KRT79: variants seen among roughly 807,000 people sequenced by gnomAD.
The protein encoded by KRT79 is keratin, type II cytoskeletal 79.
Under a neutral mutation model 49.0 loss-of-function variants are expected in KRT79, and 51 were observed. The observed-to-expected ratio is 1.04, with a 90% CI of 0.83 to 1.31. The LOEUF (loss-of-function observed/expected upper bound fraction) is 1.31. KRT79 is among the 40% of genes most tolerant of loss of function. The probability of loss-of-function intolerance (pLI) is 0.00; values close to 1 mark genes in which losing one functional copy is unlikely to be tolerated. For synonymous variants in KRT79, 312 were observed against 286.6 expected, an observed-to-expected ratio of 1.09 and a Z score of -0.90; for missense variants, 728 against 688.0, an observed-to-expected ratio of 1.06 and a Z score of -0.65.
chr12:52,823,084 C>T lies in KRT79; in HGVS notation c.1299G>A (p.Met433Ile). The T allele has an allele frequency of 6.2e-7, 1 of 1,614,198 alleles. No individual in the cohort carries two copies. The highest frequency in any genetic ancestry group is 1.1e-5 in the South Asian group (1 of 91,084). Residue 433 changes from methionine (M) to isoleucine (I), a missense_variant, in exon 7 of 9, where the codon ATG becomes ATA. By Grantham distance (10) the Met-to-Ile change is conservative. Transcript: ENST00000330553. Reference protein sequence around the residue: ...TRLLRDYQELMNVKLALDVEI... With the variant: ...TRLLRDYQELINVKLALDVEI... ...CCACGTCCAGGGCCAGCTTGACATT[C>T]ATCAGCTCCTGGTAGTCACGCAGCA...
At chr12:52,830,159 A>T in intron 3 of KRT79, 41 bp from the exon 4 acceptor site, 1 of 1,611,864 alleles carries the variant, frequency 6.2e-7, no homozygotes, top group South Asian at 1.1e-5. Flanking sequence ...GGCCCCAGGG[A>T]TGTCCCCTCT....
At chr12:52,828,654 G>A (rs1381693695) in intron 4 of KRT79, among the ~76,000 whole-genome samples, 3 of 152,224 alleles carry the variant, frequency 2.0e-5, no homozygotes, top group African/African-American at 7.2e-5. Flanking sequence ...AGTTGGAGGA[G>A]AGTAGATACA....
At position 52,826,428 on chromosome 12, in the gene KRT79, G is replaced by A. The variant is rs368779648; in HGVS notation, c.856-2066C>T. On this transcript the variant is annotated intron_variant, in intron 4 of 8. Transcript: ENST00000330553. ...CTTGGGAGGCTGAGGTGGGAGGATC[G>A]CTTGAGCCCAGGAGGTCGAGACTGT... Among the ~76,000 whole-genome samples, 209 of 151,336 alleles carry A rather than the reference G, an allele frequency of 1.4e-3. 1 individual carries two copies. In the South Asian group the frequency reaches 0.02, roughly 14 times the overall value.
chr12:52,822,318 A>G, intron 8 of KRT79, 27 bp downstream of exon 8: 1 of 1,602,620 alleles, frequency 6.2e-7, no homozygotes, highest in Non-Finnish European at 8.5e-7. Flanking sequence ...CCAGGGGTGG[A>G]GCAGGAAGTG....
Position 52,822,018 on chromosome 12 carries a change from T to C in KRT79, c.1462A>G (p.Ile488Val). Residue 488 changes from isoleucine to valine, a missense_variant, in exon 9 of 9, where the codon ATC (isoleucine) becomes GTC (valine). By Grantham distance (29) the Ile-to-Val change is conservative. Transcript: ENST00000330553. ...GGGAASFGGG[I>V]SLGGSGGATK... ...GCCCCCCCACTCCCACCCAGGGAGA[T>C]GCCACCTCCAAAGCTGGCTGCGCCA... 2 of 1,614,186 alleles carry C rather than the reference T, an allele frequency of 1.2e-6. No homozygotes were observed. The highest frequency in any genetic ancestry group is 1.7e-6 in the Non-Finnish European group (2 of 1,180,038).
At chr12:52,823,862 C>T (rs370559041) in intron 6 of KRT79, 25 bp downstream of exon 6, 249 of 1,603,110 alleles carry the variant, frequency 1.6e-4, no homozygotes, top group Non-Finnish European at 1.9e-4. Flanking sequence ...TAGGCCAGAC[C>T]CCCAAGCCCC....
chr12:52,831,721 G>T, intron 1 of KRT79, 95 bp from the exon 2 acceptor site: 1 of 957,538 alleles, frequency 1.0e-6, no homozygotes, highest in Non-Finnish European at 1.6e-6. Context: ...CAAGGCCAGG[G>T]CAACATAGGG....
intron 1 of KRT79, 77 bp downstream of exon 1, chr12:52,833,707 C>T (rs79336426): frequency 0.042 from 50,289 of 1,183,762 alleles, 1,576 homozygotes; most frequent in Admixed American, 0.13. Context: ...GCTACAGCAG[C>T]CCTGGCCCAG....
intron 4 of KRT79, among the ~76,000 whole-genome samples, chr12:52,827,479 A>T (rs1940192445): frequency 6.6e-6 from 1 of 152,240 alleles, no homozygotes. Flanking sequence ...CTAATGGACC[A>T]CAAGGAGGCC....
At chr12:52,824,926 G>A (rs908207021) in intron 4 of KRT79, among the ~76,000 whole-genome samples, 2 of 152,216 alleles carry the variant, frequency 1.3e-5, no homozygotes, top group African/African-American at 4.8e-5. Flanking sequence ...CCAGTCAATT[G>A]CACCACAAAG....
chr12:52,822,240 C>T (rs751240113), intron 8 of KRT79, 105 bp downstream of exon 8: 45 of 1,351,480 alleles, frequency 3.3e-5, no homozygotes, highest in African/African-American at 8.7e-5. Context: ...TCCAGGGGCT[C>T]GAATGGAGGA....
chr12:52,829,225 C>T (rs2121284673), intron 4 of KRT79, among the ~76,000 whole-genome samples: 1 of 152,266 alleles, frequency 6.6e-6, no homozygotes, highest in South Asian at 2.1e-4. Flanking sequence ...GTCTCCAAAG[C>T]CCTCTTGTCT....
In KRT79 at chr12:52,834,063, C is replaced by CTATATAA; in HGVS notation, c.197_198insTTATATA (p.Gly67TyrfsTer68). Reference sequence around the variant, plus strand: ...CACTGACAGAGATACTCTTGTGGCCCCCCAAGTTATAGAGGCTTCGGCTGC... The same window carrying CTATATAA: ...CACTGACAGAGATACTCTTGTGGCCCTATATAACCCAAGTTATAGAGGCTTCGGCTGC... On this transcript the variant is annotated frameshift_variant, in exon 1 of 9. Transcript: ENST00000330553. LOFTEE classifies it high-confidence loss of function. The CTATATAA allele has an allele frequency of 6.2e-7, 1 of 1,613,692 alleles. No individual in the cohort carries two copies. The highest frequency in any genetic ancestry group is 1.1e-5 in the South Asian group (1 of 91,058).
chr12:52,829,610 A>G (rs1171352247), intron 4 of KRT79, among the ~76,000 whole-genome samples: 2 of 152,172 alleles, frequency 1.3e-5, no homozygotes, highest in Non-Finnish European at 2.9e-5. Flanking sequence ...TTAAAGTGTC[A>G]AGGTTTTAGG....
intron 6 of KRT79, among the ~76,000 whole-genome samples, 198 bp from the exon 7 acceptor site, chr12:52,823,434 A>C (rs1405790191): frequency 2.6e-5 from 4 of 152,196 alleles, no homozygotes; most frequent in Non-Finnish European, 4.4e-5. Flanking sequence ...TCCTTACTGA[A>C]GTCTAACCTC....
At chr12:52,829,643 G>A (rs1277756278) in intron 4 of KRT79, among the ~76,000 whole-genome samples, 1 of 152,228 alleles carries the variant, frequency 6.6e-6, no homozygotes, top group East Asian at 1.9e-4. Context: ...GCTCACGCCT[G>A]TAATCCCAGC....
At chr12:52,828,091 T>G (rs1940201600) in intron 4 of KRT79, among the ~76,000 whole-genome samples, 1 of 152,196 alleles carries the variant, frequency 6.6e-6, no homozygotes, top group Admixed American at 6.5e-5. Context: ...ACCCATAGAA[T>G]GAATTCCTAA....
chr12:52,830,138 A>G lies in KRT79; in HGVS notation c.760-20T>C. The G allele has an allele frequency of 6.2e-7, 1 of 1,613,292 alleles. No homozygotes were observed. Among genetic ancestry groups the G allele is most frequent in the Non-Finnish European group, 8.5e-7 (1 of 1,179,248 alleles). ...CACATCCTGGGGACGAGAGAGCAAG[A>G]CAGATCCTCAGGCCCCAGGGATGTC... On this transcript the variant is annotated intron_variant, in intron 3 of 8. Transcript: ENST00000330553.
chr12:52,828,184 A>T (rs561841907), intron 4 of KRT79, among the ~76,000 whole-genome samples: 1 of 152,302 alleles, frequency 6.6e-6, no homozygotes, highest in African/African-American at 2.4e-5. Flanking sequence ...TCATGATTAT[A>T]ATATTAAACT....
Sources: allele counts gnomAD v4.1 joint callset (sites outside exome capture counted in the v4.1 genomes callset), GRCh38; gene constraint gnomAD v4.1.1; transcripts MANE v1.5; gene names NCBI Gene and HGNC (gene_info 2026-07-23, HGNC 2026-07-21).